Variants in SCLT1 observed in about 807,000 individuals in gnomAD.
SCLT1 encodes the protein sodium channel and clathrin linker 1.
Under a neutral mutation model 112.8 loss-of-function variants are expected in SCLT1, and 78 were observed. The observed-to-expected ratio is 0.69, with a 90% CI of 0.58 to 0.83. SCLT1 has a LOEUF of 0.83. Among genes scored for constraint, SCLT1 ranks in the 40% least tolerant of loss-of-function variants. SCLT1 has a pLI of 0.00. For missense variants in SCLT1, 747 were observed against 770.4 expected (o/e 0.97, Z 0.36); for synonymous variants, 257 against 254.7 (o/e 1.01, Z -0.09).
chr4:128,965,665 CTA>C (rs1740118231), intron 10 of SCLT1, among the ~76,000 whole-genome samples: 1 of 152,050 alleles, frequency 6.6e-6, no homozygotes, highest in African/African-American at 2.4e-5. Flanking sequence ...CTATATTATT[CTA>C]TGTCTCATTA....
intron 3 of SCLT1, among the ~76,000 whole-genome samples, chr4:128,878,912 C>A (rs1732578275): frequency 1.4e-5 from 2 of 144,928 alleles, no homozygotes; most frequent in Non-Finnish European, 3.0e-5. Flanking sequence ...GGGCTATATA[C>A]ATAATCTGAA....
chr4:128,875,345 A>T (rs1732485070), intron 4 of SCLT1: 1 of 152,506 alleles, frequency 6.6e-6, no homozygotes, highest in Admixed American at 6.5e-5. Flanking sequence ...TGTAGAGAAC[A>T]TATCAAATTT....
chr4:129,003,827 G>T lies in SCLT1; in HGVS notation c.340C>A (p.Pro114Thr). The change falls in exon 6 of 21, where the codon CCC (proline) becomes ACC (threonine). Residue 114 changes from proline (P) to threonine (T), a missense_variant. By Grantham distance (38) the Pro-to-Thr change is conservative. This residue lies in a region of SCLT1 where 723 missense variants were observed against 721.3 expected (regional missense o/e 1.00). Coordinates refer to ENST00000281142, the MANE Select transcript of SCLT1 (RefSeq NM_144643.4). ...TCAGTTCCTACCTCTGTGCCCAGGG[G>T]AAAGGCCTCCAATTTTTTTTCAACA... is the stretch of plus-strand genomic sequence containing the variant. ...DAVEKKLEAF[P>T]LGTEVGTDIY... The T allele has an allele frequency of 6.2e-7, 1 of 1,611,318 alleles. No individual in the cohort carries two copies. The highest frequency in any genetic ancestry group is 8.5e-7 in the Non-Finnish European group (1 of 1,178,294).
intron 4 of SCLT1, chr4:129,040,025 G>A: frequency 6.8e-6 from 4 of 590,324 alleles, no homozygotes; most frequent in South Asian, 2.0e-5. Context: ...TGCTTCCTAA[G>A]CTAAAGGAGA....
chr4:128,940,696 A>G (rs1229069411), intron 17 of SCLT1, among the ~76,000 whole-genome samples: 2 of 151,962 alleles, frequency 1.3e-5, no homozygotes, highest in Non-Finnish European at 1.5e-5. Context: ...GCAATTATGT[A>G]GAAGTTAGAA....
chr4:129,028,147 G>A (rs947100425), intron 5 of SCLT1, among the ~76,000 whole-genome samples: 8 of 152,138 alleles, frequency 5.3e-5, no homozygotes, highest in Admixed American at 5.2e-4. Context: ...AGCTACCAAT[G>A]ACTTTCTTCA....
At chr4:128,915,220 G>C (rs1051504569) in intron 18 of SCLT1, among the ~76,000 whole-genome samples, 1 of 152,110 alleles carries the variant, frequency 6.6e-6, no homozygotes, top group Non-Finnish European at 1.5e-5. Context: ...TAGTGGTCTG[G>C]TGCCTGTGGA....
intron 7 of SCLT1, 135 bp from the exon 8 acceptor site, chr4:128,998,074 T>G (rs1743161838): frequency 4.9e-6 from 2 of 407,840 alleles, no homozygotes; most frequent in Admixed American, 8.8e-5. Context: ...CTTATTACTA[T>G]TGTGTGAATT....
intron 2 of SCLT1, among the ~76,000 whole-genome samples, chr4:129,081,341 C>T (rs749417041): frequency 3.0e-4 from 45 of 152,352 alleles, no homozygotes; most frequent in African/African-American, 4.6e-4. Flanking sequence ...AAGGCTCTAA[C>T]GCTCTGGTCC....
At chr4:128,904,212 A>C (rs1397620576) in intron 18 of SCLT1, among the ~76,000 whole-genome samples, 1 of 152,154 alleles carries the variant, frequency 6.6e-6, no homozygotes, top group African/African-American at 2.4e-5. Context: ...ATCTTCCACT[A>C]ATTTTAAAGT....
chr4:128,995,917 C>G (rs1253043199), intron 8 of SCLT1, among the ~76,000 whole-genome samples: 5 of 152,002 alleles, frequency 3.3e-5, no homozygotes, highest in Admixed American at 6.6e-5. Context: ...AGCACAGGAC[C>G]AATGCCAACT....
chr4:128,982,797 T>C (rs1011196168), intron 9 of SCLT1, among the ~76,000 whole-genome samples: 1 of 151,636 alleles, frequency 6.6e-6, no homozygotes, highest in African/African-American at 2.4e-5. Flanking sequence ...CTACCGCACC[T>C]GGCCAGCTAA....
At chr4:128,960,616 C>G (rs1055451517) in intron 11 of SCLT1, among the ~76,000 whole-genome samples, 3 of 152,086 alleles carry the variant, frequency 2.0e-5, no homozygotes, top group Admixed American at 2.0e-4. Flanking sequence ...CTTTGCTCTT[C>G]CCTTTATAAG....
intron 2 of SCLT1, among the ~76,000 whole-genome samples, chr4:129,054,500 G>C (rs565670578): frequency 3.9e-5 from 6 of 151,990 alleles, no homozygotes. Flanking sequence ...TCAGTAAGTT[G>C]ATTTTCAATC....
intron 2 of SCLT1, among the ~76,000 whole-genome samples, chr4:129,050,302 G>T (rs1748656339): frequency 6.6e-6 from 1 of 152,168 alleles, no homozygotes; most frequent in African/African-American, 2.4e-5. Flanking sequence ...GATCCTTGAG[G>T]AATTGCCACA....
At chr4:128,930,578 G>C (rs989765647) in intron 18 of SCLT1, among the ~76,000 whole-genome samples, 5 of 152,148 alleles carry the variant, frequency 3.3e-5, no homozygotes, top group African/African-American at 1.2e-4. Flanking sequence ...AAAGATAGAA[G>C]GCGTTTCAAA....
intron 5 of SCLT1, among the ~76,000 whole-genome samples, chr4:129,032,268 G>C (rs541607733): frequency 1.4e-4 from 22 of 152,228 alleles, no homozygotes; most frequent in African/African-American, 5.1e-4. Context: ...AATGGTGCCA[G>C]GAAAACTGGC....
At chr4:128,987,398 C>G (rs918486937) in intron 9 of SCLT1, among the ~76,000 whole-genome samples, 1 of 152,166 alleles carries the variant, frequency 6.6e-6, no homozygotes, top group Non-Finnish European at 1.5e-5. Flanking sequence ...TGTGACATTT[C>G]ACACAAGGAA....
chr4:128,916,527 A>G (rs1735486785), intron 18 of SCLT1, among the ~76,000 whole-genome samples: 3 of 152,208 alleles, frequency 2.0e-5, no homozygotes, highest in Admixed American at 2.0e-4. Flanking sequence ...ACCAAAGCAT[A>G]CTGACTGACG....
Sources: allele counts gnomAD v4.1 joint callset (sites outside exome capture counted in the v4.1 genomes callset), GRCh38; gene constraint gnomAD v4.1.1; regional missense constraint gnomAD v4.1.1; transcripts MANE v1.5; gene names NCBI Gene and HGNC (gene_info 2026-07-23, HGNC 2026-07-21).